The following ADAMTSL1 variants were observed in gnomAD, a reference collection of about 807,000 sequenced individuals.
The protein encoded by ADAMTSL1 is ADAMTS like 1.
Under a neutral mutation model 201.8 loss-of-function variants are expected in ADAMTSL1, and 126 were observed. That is an observed-to-expected ratio of 0.62 (90% CI 0.54 to 0.72). ADAMTSL1 has a LOEUF of 0.72. Among genes scored for constraint, ADAMTSL1 ranks in the 30% least tolerant of loss-of-function variants. The pLI is 0.00. For missense variants in ADAMTSL1, 2,679 were observed against 2,277.8 expected, an observed-to-expected ratio of 1.18 and a Z score of -3.59; for synonymous variants, 1,121 against 903.4, an observed-to-expected ratio of 1.24 and a Z score of -4.32.
chr9:18,787,131 G>A (rs1472142759), intron 19 of ADAMTSL1, among the ~76,000 whole-genome samples: 2 of 152,174 alleles, frequency 1.3e-5, no homozygotes, highest in Non-Finnish European at 2.9e-5. Context: ...AGGGAAGATA[G>A]GGAAGGAAAA....
At chr9:18,797,896 T>C (rs1822532880) in intron 20 of ADAMTSL1, among the ~76,000 whole-genome samples, 1 of 152,190 alleles carries the variant, frequency 6.6e-6, no homozygotes, top group Non-Finnish European at 1.5e-5. Flanking sequence ...AATTCTAAAA[T>C]GTGCAAACCA....
At chr9:18,222,992 A>G (rs148279259) in intron 2 of ADAMTSL1, among the ~76,000 whole-genome samples, 1,688 of 152,048 alleles carry the variant, frequency 0.011, 28 homozygotes, top group African/African-American at 0.037. Flanking sequence ...TCTCTTTGTC[A>G]TTACTTTGCA....
At chr9:18,169,604 T>C (rs1353897139) in intron 2 of ADAMTSL1, among the ~76,000 whole-genome samples, 1 of 152,198 alleles carries the variant, frequency 6.6e-6, no homozygotes, top group Non-Finnish European at 1.5e-5. Flanking sequence ...GACTTGGCGA[T>C]GCGGGCTCTT....
intron 1 of ADAMTSL1, among the ~76,000 whole-genome samples, chr9:18,105,701 C>T (rs983365789): frequency 6.6e-6 from 1 of 152,134 alleles, no homozygotes; most frequent in African/African-American, 2.4e-5. Context: ...GTTTCCATGG[C>T]GAAGATGTTG....
At chr9:18,254,465 C>A (rs924457388) in intron 2 of ADAMTSL1, among the ~76,000 whole-genome samples, 21 of 144,978 alleles carry the variant, frequency 1.4e-4, no homozygotes, top group Non-Finnish European at 2.5e-4. Context: ...CGGGTTCACG[C>A]CGTTCTCCTG....
chr9:18,707,002 C>G lies in ADAMTSL1; in HGVS notation c.1830C>G (p.Asp610Glu), dbSNP rs761328220. 5.0e-6 allele frequency: 8 copies of G among 1,613,852 alleles called. No individual in the cohort carries two copies. Among genetic ancestry groups the G allele is most frequent in the Non-Finnish European group, 5.1e-6 (6 of 1,179,880 alleles). The change falls in exon 14 of 29, where the codon GAC becomes GAG. Residue 610 changes from aspartate to glutamate, a missense_variant. Physicochemically the swap from Asp to Glu is conservative, Grantham distance 45. Coordinates refer to ENST00000380548, the MANE Select transcript of ADAMTSL1 (RefSeq NM_001040272.6). ...GGLQDFDELY[D>E]WEYEGFTKCS... The stretch of plus-strand genomic sequence containing the variant: ...TGCAGGATTTCGACGAGCTGTATGA[C>G]TGGGAGTATGAGGGGTTCACCAAGT...
chr9:18,559,142 T>C (rs1353817243), intron 3 of ADAMTSL1, among the ~76,000 whole-genome samples: 2 of 152,232 alleles, frequency 1.3e-5, no homozygotes, highest in Admixed American at 6.5e-5. Flanking sequence ...TGGTTTTAGG[T>C]CTTATGTTTA....
chr9:18,468,231 A>G (rs1378962786), intron 2 of ADAMTSL1, among the ~76,000 whole-genome samples: 1 of 152,202 alleles, frequency 6.6e-6, no homozygotes, highest in Non-Finnish European at 1.5e-5. Flanking sequence ...CAATGTAGAA[A>G]AAAGAAGATC....
At chr9:18,567,809 G>C (rs1822018318) in intron 3 of ADAMTSL1, among the ~76,000 whole-genome samples, 1 of 152,062 alleles carries the variant, frequency 6.6e-6, no homozygotes, top group South Asian at 2.1e-4. Context: ...ACATATATGA[G>C]ATAAAGTTTA....
intron 2 of ADAMTSL1, among the ~76,000 whole-genome samples, chr9:18,336,787 T>C (rs554224593): frequency 1.3e-5 from 2 of 152,268 alleles, no homozygotes; most frequent in African/African-American, 4.8e-5. Context: ...TTTAGATTTC[T>C]ATTTTTGTCT....
chr9:18,269,036 A>G (rs889037991), intron 2 of ADAMTSL1, among the ~76,000 whole-genome samples: 2 of 152,154 alleles, frequency 1.3e-5, no homozygotes, highest in African/African-American at 4.8e-5. Context: ...ATCATTGTAT[A>G]TAACTTACAC....
chr9:18,436,690 T>C (rs774041956), intron 2 of ADAMTSL1, among the ~76,000 whole-genome samples: 18 of 152,148 alleles, frequency 1.2e-4, no homozygotes, highest in Non-Finnish European at 1.5e-5. Context: ...TACCTCTCTA[T>C]GAGTAATTGA....
chr9:18,842,859 C>A (rs964434973), intron 23 of ADAMTSL1, among the ~76,000 whole-genome samples: 2 of 151,316 alleles, frequency 1.3e-5, no homozygotes, highest in Admixed American at 1.3e-4. Context: ...GATTGCAACC[C>A]CTGCCTTTTT....
rs1375867379 is a variant in ADAMTSL1 at position 18,706,891 on chromosome 9, A to T, written c.1719A>T (p.Ala573=). The stretch of plus-strand genomic sequence containing the variant: ...ACGAGTGTGAAGGGCCCAAGCCAGC[A>T]TCCCAGCGTGCCTGTTATGCAGGCC... ...PIDECEGPKP[A]SQRACYAGPC... is the part of the protein sequence containing the mutation. The change falls in exon 14 of 29, where the codon GCA becomes GCT. Residue 573 remains alanine (A), a synonymous_variant. Transcript: ENST00000380548. 6.2e-7 allele frequency: 1 copy of T among 1,613,832 alleles called. No individual in the cohort carries two copies. The highest frequency in any genetic ancestry group is 1.3e-5 in the African/African-American group (1 of 74,924).
At chr9:18,657,532 C>G in intron 7 of ADAMTSL1, 107 bp from the exon 8 acceptor site, 1 of 770,080 alleles carries the variant, frequency 1.3e-6, no homozygotes, top group Non-Finnish European at 2.2e-6. Context: ...CAGTCCCTCA[C>G]ACAGCCTAAA....
chr9:18,299,328 C>T (rs1017261421), intron 2 of ADAMTSL1, among the ~76,000 whole-genome samples: 7 of 152,122 alleles, frequency 4.6e-5, no homozygotes, highest in Non-Finnish European at 7.3e-5. Flanking sequence ...ATATCTTCTC[C>T]ATTGGCAGAG....
intron 23 of ADAMTSL1, among the ~76,000 whole-genome samples, chr9:18,875,483 A>C (rs1316807314): frequency 6.6e-6 from 1 of 152,104 alleles, no homozygotes; most frequent in Admixed American, 6.5e-5. Flanking sequence ...AGAATTTTTT[A>C]ATTTCTACCT....
intron 1 of ADAMTSL1, among the ~76,000 whole-genome samples, chr9:18,015,466 G>A (rs1586898502): frequency 6.6e-6 from 1 of 152,088 alleles, no homozygotes; most frequent in African/African-American, 2.4e-5. Flanking sequence ...AACCACAGAA[G>A]CAGAGACATT....
chr9:18,721,779 A>C (rs1362860159), intron 15 of ADAMTSL1, 114 bp downstream of exon 15: 1 of 1,442,214 alleles, frequency 6.9e-7, no homozygotes, highest in Non-Finnish European at 9.2e-7. Context: ...AAAACCAATT[A>C]GCATCAGTTC....
Sources: gnomAD v4.1 joint callset for allele counts (sites outside exome capture counted in the v4.1 genomes callset) on GRCh38, gnomAD v4.1.1 for gene constraint, MANE v1.5 for transcripts, NCBI Gene and HGNC (gene_info 2026-07-23, HGNC 2026-07-21) for gene names.